ERC2: variants seen among roughly 807,000 people sequenced by gnomAD.
The protein encoded by ERC2 is ELKS/RAB6-interacting/CAST family member 2.
A neutral mutation model predicts 114.8 loss-of-function variants in ERC2; 42 were observed. That is an observed-to-expected ratio of 0.37 (90% CI 0.29 to 0.47). ERC2 has a LOEUF of 0.47. Ranked by LOEUF, ERC2 falls within the 20% of genes least tolerant of loss-of-function variation. The probability of loss-of-function intolerance (pLI) is 0.99; values close to 1 mark genes in which losing one functional copy is unlikely to be tolerated. For missense variants in ERC2, 939 were observed against 1,150.7 expected (o/e 0.82, Z 2.66); for synonymous variants, 454 against 425.5 (o/e 1.07, Z -0.82).
chr3:55,702,360 A>C (rs143997840), intron 15 of ERC2, among the ~76,000 whole-genome samples: 1 of 152,290 alleles, frequency 6.6e-6, no homozygotes, highest in East Asian at 1.9e-4. Flanking sequence ...AGTGTGAAAC[A>C]GAGATGAAAA....
At chr3:56,018,861 T>C in intron 8 of ERC2, 33 bp downstream of exon 8, 1 of 1,603,716 alleles carries the variant, frequency 6.2e-7, no homozygotes. Flanking sequence ...TTTCCCCATA[T>C]CCTGATTCCC....
At chr3:56,246,093 TAA>T (rs34868223) in intron 3 of ERC2, among the ~76,000 whole-genome samples, 9,459 of 127,578 alleles carry the variant, frequency 0.074, 718 homozygotes, top group African/African-American at 0.2. Flanking sequence ...TCAGATTCTT[TAA>T]AAAAAAAAAA....
chr3:56,287,817 CA>C (rs1293292401), intron 3 of ERC2, among the ~76,000 whole-genome samples: 1 of 152,156 alleles, frequency 6.6e-6, no homozygotes, highest in East Asian at 1.9e-4. Flanking sequence ...CATCACCTCT[CA>C]AGGCCTCAAC....
At chr3:55,854,466 T>G (rs905738829) in intron 14 of ERC2, among the ~76,000 whole-genome samples, 4 of 152,194 alleles carry the variant, frequency 2.6e-5, no homozygotes, top group African/African-American at 9.7e-5. Context: ...ATCTTCCTCT[T>G]CATTTGTGGC....
intron 15 of ERC2, among the ~76,000 whole-genome samples, chr3:55,727,217 G>A (rs561168149): frequency 2.0e-5 from 3 of 152,164 alleles, no homozygotes; most frequent in East Asian, 3.9e-4. Flanking sequence ...AAGGAAAGGT[G>A]GTAATTTTCT....
chr3:55,659,125 C>T (rs2061006695), intron 17 of ERC2: 1 of 152,252 alleles, frequency 6.6e-6, no homozygotes, highest in Non-Finnish European at 1.5e-5. Flanking sequence ...TTTTGTTCTT[C>T]TGTCAGCATA....
At chr3:56,214,507 C>A (rs1174008330) in intron 3 of ERC2, among the ~76,000 whole-genome samples, 1 of 152,148 alleles carries the variant, frequency 6.6e-6, no homozygotes, top group Non-Finnish European at 1.5e-5. Flanking sequence ...AAGACCAAAT[C>A]TACATCTGAT....
rs564201170 is a variant in ERC2 at position 55,558,238 on chromosome 3, C to A, written c.*40-46962G>T. 3.5e-3 allele frequency among the ~76,000 whole-genome samples: 528 copies of A among 152,294 alleles called. 2 individuals carry two copies. The highest frequency in any genetic ancestry group is 0.012 in the African/African-American group (508 of 41,572). ...AATGCCCTACTATTAATAGGTAGAA[C>A]AATGTCTGGTTTTGCCCACCTCTAG... On this transcript the variant is annotated intron_variant, in intron 17 of 17. Coordinates refer to ENST00000288221, the MANE Select transcript of ERC2 (RefSeq NM_015576.3).
intron 14 of ERC2, among the ~76,000 whole-genome samples, chr3:55,751,758 C>A (rs922566694): frequency 6.6e-6 from 1 of 152,136 alleles, no homozygotes; most frequent in Admixed American, 6.5e-5. Context: ...TCCCTCATAC[C>A]CATCTCTGAC....
intron 3 of ERC2, among the ~76,000 whole-genome samples, chr3:56,294,558 C>T (rs1251400268): frequency 1.3e-5 from 2 of 152,358 alleles, no homozygotes; most frequent in African/African-American, 4.8e-5. Context: ...CACATGGCAG[C>T]TTGCTTCATC....
At chr3:56,392,423 A>G (rs1018663432) in intron 2 of ERC2, among the ~76,000 whole-genome samples, 2 of 152,168 alleles carry the variant, frequency 1.3e-5, no homozygotes, top group Admixed American at 1.3e-4. Flanking sequence ...ATATAGGACA[A>G]TTTAGAAAGG....
At chr3:56,063,219 G>A (rs1328196649) in intron 7 of ERC2, among the ~76,000 whole-genome samples, 1 of 152,164 alleles carries the variant, frequency 6.6e-6, no homozygotes, top group African/African-American at 2.4e-5. Flanking sequence ...TTGGAGGCTG[G>A]GGAGAGAGAT....
At chr3:55,986,400 G>A (rs757806011) in intron 11 of ERC2, among the ~76,000 whole-genome samples, 19 of 152,298 alleles carry the variant, frequency 1.2e-4, no homozygotes, top group Middle Eastern at 6.8e-3. Flanking sequence ...TATTAGACCT[G>A]GGTAAGTGCT....
At chr3:55,670,879 T>A (rs942849077) in intron 17 of ERC2, among the ~76,000 whole-genome samples, 2 of 152,230 alleles carry the variant, frequency 1.3e-5, no homozygotes, top group African/African-American at 4.8e-5. Context: ...GGAAATGATA[T>A]GAAATTCAAA....
At chr3:56,403,241 TTCAAAACTCA>T (rs1489810455) in intron 2 of ERC2, among the ~76,000 whole-genome samples, 1 of 152,216 alleles carries the variant, frequency 6.6e-6, no homozygotes, top group Non-Finnish European at 1.5e-5. Flanking sequence ...CTATAACTGT[TTCAAAACTCA>T]TACAATGAAA....
intron 2 of ERC2, among the ~76,000 whole-genome samples, chr3:56,354,589 T>C (rs899081022): frequency 2.0e-5 from 3 of 152,130 alleles, no homozygotes; most frequent in African/African-American, 7.2e-5. Context: ...TGTATCACTG[T>C]AAAATGCTCT....
chr3:56,048,648 C>G (rs926023275), intron 7 of ERC2, among the ~76,000 whole-genome samples: 3 of 152,224 alleles, frequency 2.0e-5, no homozygotes, highest in Middle Eastern at 3.4e-3. Context: ...TCTCAATATG[C>G]CTGGTTATAT....
At chr3:55,994,647 T>TAA (rs10662566) in intron 10 of ERC2, among the ~76,000 whole-genome samples, 14,717 of 61,394 alleles carry the variant, frequency 0.24, 4,111 homozygotes, top group Admixed American at 0.27. Context: ...ACATACTCCC[T>TAA]AAAAAAAAAA....
intron 16 of ERC2, among the ~76,000 whole-genome samples, chr3:55,698,668 T>TA (rs1453563134): frequency 6.6e-6 from 1 of 152,170 alleles, no homozygotes; most frequent in African/African-American, 2.4e-5. Flanking sequence ...AAGTAAGAAA[T>TA]ATTGCTCATA....
Sources: gnomAD v4.1 joint callset for allele counts (sites outside exome capture counted in the v4.1 genomes callset) on GRCh38, gnomAD v4.1.1 for gene constraint, MANE v1.5 for transcripts, NCBI Gene and HGNC (gene_info 2026-07-23, HGNC 2026-07-21) for gene names.